CENPP: variants seen among roughly 807,000 people sequenced by gnomAD.
The protein encoded by CENPP is centromere protein P.
CENPP carries 24 observed loss-of-function variants against 35.6 expected under a neutral mutation model. That is an observed-to-expected ratio of 0.67 (90% CI 0.49 to 0.95). CENPP has a LOEUF of 0.95. Among genes scored for constraint, CENPP ranks in the 40% least tolerant of loss-of-function variants. The pLI, the probability that CENPP is intolerant of heterozygous loss-of-function variation, is 0.00. For synonymous variants in CENPP, 120 were observed against 125.5 expected (o/e 0.96, Z 0.29); for missense variants, 332 against 345.3 (o/e 0.96, Z 0.31).
At chr9:92,376,168 T>C (rs1036260415) in intron 4 of CENPP, among the ~76,000 whole-genome samples, 1 of 152,194 alleles carries the variant, frequency 6.6e-6, no homozygotes, top group Non-Finnish European at 1.5e-5. Context: ...CAAGTGGCTT[T>C]CTAGTTCCCT....
At chr9:92,515,049 T>C (rs776800180) in intron 5 of CENPP, 4 of 1,614,154 alleles carry the variant, frequency 2.5e-6, no homozygotes, top group Admixed American at 1.7e-5. Flanking sequence ...CCTCCTCAGA[T>C]TGAAGTGCTT....
chr9:92,496,452 C>T (rs560245338), intron 5 of CENPP: 3 of 1,607,458 alleles, frequency 1.9e-6, no homozygotes, highest in African/African-American at 2.7e-5. Flanking sequence ...TCATCCTCTT[C>T]AGCATTGCAA....
intron 4 of CENPP, among the ~76,000 whole-genome samples, chr9:92,360,850 G>A (rs528848556): frequency 2.6e-4 from 38 of 148,910 alleles, no homozygotes; most frequent in African/African-American, 7.4e-4. Flanking sequence ...GACTACAGGC[G>A]CCCACCACCA....
In CENPP at chr9:92,345,819, G is replaced by T. The variant is rs373810176; in HGVS notation, c.467+32G>T. 12 of 1,318,698 alleles carry T rather than the reference G, an allele frequency of 9.1e-6. No individual in the cohort carries two copies. In the African/African-American group the frequency reaches 1.3e-4, roughly 15 times the overall value. 81.7% of individuals were successfully genotyped at this position (1,318,698 alleles called of 1,614,324 possible). A position where few individuals can be genotyped will look rare whatever the true frequency, so the allele number is the denominator to read the frequency against. ...TATTTTACAAACTTACTTTTTTAGA[G>T]AAAAAAAGTAAATTTACACTTTACA... is the stretch of plus-strand genomic sequence containing the variant. On this transcript the variant is annotated intron_variant, in intron 4 of 7. Transcript: ENST00000375587.
intron 5 of CENPP, among the ~76,000 whole-genome samples, chr9:92,485,717 C>G (rs1046443082): frequency 1.3e-5 from 2 of 152,136 alleles, no homozygotes; most frequent in Admixed American, 6.5e-5. Flanking sequence ...CACTCTGTCA[C>G]CCATGCTGGA....
At chr9:92,436,560 G>A (rs1046559996) in intron 5 of CENPP, among the ~76,000 whole-genome samples, 1 of 151,916 alleles carries the variant, frequency 6.6e-6, no homozygotes, top group Non-Finnish European at 1.5e-5. Context: ...GATTCATTTC[G>A]AGTTAATTTT....
At position 92,344,772 on chromosome 9, in the gene CENPP, C is replaced by G. The variant is rs190182173; in HGVS notation, c.379-927C>G. On this transcript the variant is annotated intron_variant, in intron 3 of 7. Transcript: ENST00000375587. ...CCGTGTTGGTCAGGATGGTCTCCAA[C>G]TCCTAACCTCAGGTGATTCACCCGC... is the stretch of plus-strand genomic sequence containing the variant. Among the ~76,000 whole-genome samples, 100 of 150,948 alleles carry G rather than the reference C, an allele frequency of 6.6e-4. No homozygotes were observed. The East Asian group carries it at 0.013, about 20-fold the overall frequency.
chr9:92,471,438 GC>G (rs1845511276), intron 5 of CENPP, among the ~76,000 whole-genome samples: 1 of 151,754 alleles, frequency 6.6e-6, no homozygotes, highest in Non-Finnish European at 1.5e-5. Flanking sequence ...CTCGTGATTC[GC>G]CTGACTGGGC....
At chr9:92,576,123 T>C (rs1026722036) in intron 5 of CENPP, among the ~76,000 whole-genome samples, 5 of 152,278 alleles carry the variant, frequency 3.3e-5, no homozygotes, top group Middle Eastern at 6.8e-3. Context: ...AAAGGATAAA[T>C]AGATAAACAA....
At chr9:92,366,069 A>G (rs1401985198) in intron 4 of CENPP, among the ~76,000 whole-genome samples, 2 of 151,190 alleles carry the variant, frequency 1.3e-5, no homozygotes, top group Non-Finnish European at 2.9e-5. Context: ...AGTCCCAGCT[A>G]CTCAGTAGGC....
intron 5 of CENPP, among the ~76,000 whole-genome samples, chr9:92,497,470 C>T (rs1564354251): frequency 6.6e-6 from 1 of 151,788 alleles, no homozygotes; most frequent in East Asian, 1.9e-4. Context: ...ACTGAAAATA[C>T]AAAATTAGCT....
intron 5 of CENPP, among the ~76,000 whole-genome samples, chr9:92,492,631 A>T (rs1846204324): frequency 6.6e-6 from 1 of 152,164 alleles, no homozygotes; most frequent in African/African-American, 2.4e-5. Context: ...GCCATACCAC[A>T]TGCCCTATAC....
intron 5 of CENPP, among the ~76,000 whole-genome samples, chr9:92,574,680 C>T (rs564456352): frequency 1.3e-5 from 2 of 152,168 alleles, no homozygotes; most frequent in Non-Finnish European, 2.9e-5. Context: ...AAATCTCTAT[C>T]AAAATTCCAG....
At chr9:92,412,889 A>G (rs1406027325) in intron 5 of CENPP, among the ~76,000 whole-genome samples, 1 of 147,038 alleles carries the variant, frequency 6.8e-6, no homozygotes, top group Non-Finnish European at 1.5e-5. Flanking sequence ...GTGGACATTT[A>G]TATGCAAATT....
At chr9:92,403,266 C>CA in intron 5 of CENPP, 1 of 1,599,784 alleles carries the variant, frequency 6.3e-7, no homozygotes, top group Non-Finnish European at 8.6e-7. Flanking sequence ...TATTTATCCT[C>CA]ATAATCTTGG....
intron 4 of CENPP, among the ~76,000 whole-genome samples, chr9:92,356,457 C>T (rs1841591563): frequency 6.6e-6 from 1 of 152,184 alleles, no homozygotes; most frequent in Non-Finnish European, 1.5e-5. Context: ...TTTCAAGGTG[C>T]ACTGATTTCA....
At chr9:92,395,831 TC>T (rs1329433346) in intron 5 of CENPP, among the ~76,000 whole-genome samples, 1 of 152,228 alleles carries the variant, frequency 6.6e-6, no homozygotes, top group South Asian at 2.1e-4. Context: ...TTTTTTTTTT[TC>T]CCTCTTACTA....
intron 5 of CENPP, among the ~76,000 whole-genome samples, chr9:92,415,872 T>G (rs917570350): frequency 6.8e-6 from 1 of 146,294 alleles, no homozygotes; most frequent in African/African-American, 2.5e-5. Context: ...AAATTATATA[T>G]TTCTTCTTTT....
intron 6 of CENPP, 122 bp from the exon 7 acceptor site, chr9:92,612,401 G>A: frequency 1.4e-6 from 1 of 726,982 alleles, no homozygotes; most frequent in Admixed American, 2.1e-5. Context: ...CTTGGCTGTG[G>A]ATTGGGGTTT....
Sources: gnomAD v4.1 joint callset for allele counts (sites outside exome capture counted in the v4.1 genomes callset) on GRCh38, gnomAD v4.1.1 for gene constraint, MANE v1.5 for transcripts, NCBI Gene and HGNC (gene_info 2026-07-23, HGNC 2026-07-21) for gene names.